FHIT: variants seen among roughly 807,000 people sequenced by gnomAD.
FHIT encodes the protein bis(5'-adenosyl)-triphosphatase.
In FHIT, 19 loss-of-function variants were observed where a neutral mutation model predicts 17.9. The ratio of observed to expected loss-of-function variants is 1.06; its 90% confidence interval spans 0.74 to 1.56. The LOEUF is 1.56. FHIT is among the 40% of genes most tolerant of loss of function. The pLI is 0.00. For synonymous variants in FHIT, 81 were observed against 69.7 expected (o/e 1.16, Z -0.81); for missense variants, 248 against 189.2 (o/e 1.31, Z -1.82).
intron 3 of FHIT, among the ~76,000 whole-genome samples, chr3:60,958,945 G>T (rs539403136): frequency 6.6e-6 from 1 of 152,106 alleles, no homozygotes; most frequent in Non-Finnish European, 1.5e-5. Context: ...GCAAACTAAG[G>T]ACAAAGGAAT....
chr3:61,080,085 CAGAA>C (rs2035089548), intron 2 of FHIT, among the ~76,000 whole-genome samples: 1 of 152,060 alleles, frequency 6.6e-6, no homozygotes, highest in Non-Finnish European at 1.5e-5. Flanking sequence ...TAAAAGCACA[CAGAA>C]AGCATTCATA....
chr3:59,914,887 G>A (rs958047493), intron 8 of FHIT, among the ~76,000 whole-genome samples: 1 of 151,750 alleles, frequency 6.6e-6, no homozygotes, highest in Non-Finnish European at 1.5e-5. Context: ...AACTACTGAG[G>A]TCTTGGTAGT....
At chr3:60,222,526 C>T (rs1704009100) in intron 5 of FHIT, among the ~76,000 whole-genome samples, 3 of 152,180 alleles carry the variant, frequency 2.0e-5, no homozygotes, top group Non-Finnish European at 4.4e-5. Flanking sequence ...CAGGGTGGCT[C>T]ACGCCTGTAA....
At chr3:60,026,318 A>AAG (rs1439447978) in intron 5 of FHIT, among the ~76,000 whole-genome samples, 1 of 44,678 alleles carries the variant, frequency 2.2e-5, no homozygotes, top group Admixed American at 2.2e-4. Context: ...GTTGGTTTAG[A>AAG]AAAAAAAAAA....
chr3:60,093,977 A>C (rs1301144874), intron 5 of FHIT, among the ~76,000 whole-genome samples: 1 of 152,166 alleles, frequency 6.6e-6, no homozygotes, highest in Non-Finnish European at 1.5e-5. Context: ...CATTTGTGAA[A>C]AACTGTGTAT....
intron 7 of FHIT, among the ~76,000 whole-genome samples, chr3:60,003,532 G>T (rs1699807402): frequency 6.6e-6 from 1 of 152,090 alleles, no homozygotes; most frequent in Non-Finnish European, 1.5e-5. Flanking sequence ...ATCACTTGAT[G>T]TCAGGAGTTT....
intron 4 of FHIT, among the ~76,000 whole-genome samples, chr3:60,715,888 C>G (rs1292114141): frequency 6.6e-6 from 1 of 152,092 alleles, no homozygotes; most frequent in African/African-American, 2.4e-5. Context: ...CTTGCAGACT[C>G]CCTGGAAGGA....
intron 1 of FHIT, among the ~76,000 whole-genome samples, chr3:61,209,610 C>A (rs941482549): frequency 6.6e-6 from 1 of 152,214 alleles, no homozygotes; most frequent in Admixed American, 6.5e-5. Context: ...GCATCGGCTA[C>A]TGAGGCTTGT....
chr3:60,204,461 T>TG lies in FHIT; in HGVS notation c.104-190310_104-190309insC, dbSNP rs1417501110. ...ATATTCTGGTTTTTTTTTTTTTGTT[T>TG]TGTTTTTTTAGTAGAGATGGAGTTT... On this transcript the variant is annotated intron_variant, in intron 5 of 9. Transcript: ENST00000492590. Among the ~76,000 whole-genome samples the TG allele has an allele frequency of 6.7e-4, 101 of 151,328 alleles. 1 individual carries two copies. The highest frequency in any genetic ancestry group is 1.9e-3 in the African/African-American group (79 of 41,070).
intron 3 of FHIT, among the ~76,000 whole-genome samples, chr3:60,901,087 C>T (rs781968817): frequency 6.6e-4 from 101 of 152,274 alleles, no homozygotes; most frequent in Non-Finnish European, 1.1e-3. Context: ...TCTCTTATCA[C>T]CTAGTGACAA....
chr3:60,028,395 A>G (rs1016205089), intron 5 of FHIT, among the ~76,000 whole-genome samples: 4 of 152,138 alleles, frequency 2.6e-5, no homozygotes, highest in Admixed American at 6.5e-5. Context: ...TCAATTCACA[A>G]ATTACCATGT....
At chr3:60,107,174 T>G (rs35775328) in intron 5 of FHIT, among the ~76,000 whole-genome samples, 1 of 20,516 alleles carries the variant, frequency 4.9e-5, no homozygotes, top group Non-Finnish European at 1.6e-4. Flanking sequence ...TTTTTTTTTG[T>G]ACACAAAGGA....
At chr3:59,913,838 G>A (rs1705002134) in intron 8 of FHIT, among the ~76,000 whole-genome samples, 1 of 152,128 alleles carries the variant, frequency 6.6e-6, no homozygotes, top group South Asian at 2.1e-4. Flanking sequence ...AAACCACTAT[G>A]TTGACTCAAG....
chr3:60,492,556 G>A (rs1453873714), intron 5 of FHIT, among the ~76,000 whole-genome samples: 1 of 151,224 alleles, frequency 6.6e-6, no homozygotes, highest in African/African-American at 2.4e-5. Context: ...GCCCAGGCTG[G>A]AGTGCAATGG....
At chr3:60,556,813 T>C (rs949305884) in intron 4 of FHIT, among the ~76,000 whole-genome samples, 19 of 150,502 alleles carry the variant, frequency 1.3e-4, no homozygotes, top group African/African-American at 4.1e-4. Flanking sequence ...CTGCCTTCTA[T>C]CCAAGGTGAC....
At chr3:61,192,166 G>T (rs1288966061) in intron 2 of FHIT, among the ~76,000 whole-genome samples, 3 of 152,126 alleles carry the variant, frequency 2.0e-5, no homozygotes, top group Non-Finnish European at 4.4e-5. Flanking sequence ...ACAGGAAAAA[G>T]AGCAAGAAAT....
At chr3:60,004,272 C>T (rs1352738455) in intron 7 of FHIT, among the ~76,000 whole-genome samples, 1 of 152,102 alleles carries the variant, frequency 6.6e-6, no homozygotes, top group Non-Finnish European at 1.5e-5. Context: ...CTATAAAACA[C>T]TGAATGTCCC....
At chr3:60,958,741 T>G (rs1170830426) in intron 3 of FHIT, among the ~76,000 whole-genome samples, 1 of 152,242 alleles carries the variant, frequency 6.6e-6, no homozygotes, top group African/African-American at 2.4e-5. Flanking sequence ...CTTTGGACAC[T>G]TGACCCTAAG....
intron 3 of FHIT, among the ~76,000 whole-genome samples, chr3:60,938,238 A>T (rs1227192191): frequency 1.3e-5 from 2 of 152,200 alleles, no homozygotes; most frequent in African/African-American, 4.8e-5. Context: ...GAGTCCAAAT[A>T]GGAAAAGACT....
Sources: allele counts gnomAD v4.1 joint callset (sites outside exome capture counted in the v4.1 genomes callset), GRCh38; gene constraint gnomAD v4.1.1; transcripts MANE v1.5; gene names NCBI Gene and HGNC (gene_info 2026-07-23, HGNC 2026-07-21).